DAB1: variants seen among roughly 807,000 people sequenced by gnomAD.
The protein encoded by DAB1 is disabled homolog 1.
DAB1 carries 15 observed loss-of-function variants against 64.6 expected under a neutral mutation model. The observed-to-expected ratio is 0.23, with a 90% confidence interval of 0.16 to 0.36. The LOEUF is 0.36. Among genes scored for constraint, DAB1 ranks in the 10% least tolerant of loss-of-function variants. The probability of loss-of-function intolerance (pLI) is 1.00; values close to 1 mark genes in which losing one functional copy is unlikely to be tolerated. For missense variants in DAB1, 596 were observed against 706.7 expected (o/e 0.84, Z 1.78); for synonymous variants, 235 against 251.9 (o/e 0.93, Z 0.64).
intron 2 of DAB1, among the ~76,000 whole-genome samples, chr1:57,271,278 G>A (rs1219618695): frequency 6.6e-6 from 1 of 152,194 alleles, no homozygotes; most frequent in African/African-American, 2.4e-5. Context: ...ATCTAAAGGA[G>A]TTTGGGATCA....
intron 5 of DAB1, among the ~76,000 whole-genome samples, chr1:58,033,902 T>C (rs1647006675): frequency 6.6e-6 from 1 of 152,160 alleles, no homozygotes; most frequent in African/African-American, 2.4e-5. Flanking sequence ...TGCATAGTGC[T>C]ATGATATCCA....
At chr1:58,268,381 A>AAAAACTG (rs1661227243) in intron 4 of DAB1, among the ~76,000 whole-genome samples, 1 of 152,170 alleles carries the variant, frequency 6.6e-6, no homozygotes, top group Non-Finnish European at 1.5e-5. Context: ...TATAATTATT[A>AAAAACTG]AAAACTGAGC....
At chr1:57,075,556 G>T (rs964282383) in intron 4 of DAB1, among the ~76,000 whole-genome samples, 5 of 152,130 alleles carry the variant, frequency 3.3e-5, no homozygotes, top group Admixed American at 3.3e-4. Flanking sequence ...AAATACATTA[G>T]AATTCTGCTA....
intron 4 of DAB1, among the ~76,000 whole-genome samples, chr1:58,264,429 G>A (rs1175973178): frequency 6.6e-6 from 1 of 152,168 alleles, no homozygotes; most frequent in Non-Finnish European, 1.5e-5. Flanking sequence ...CGATTCTGAT[G>A]TATTAGTTAG....
At chr1:57,001,244 A>C (rs1250090627) in intron 14 of DAB1, among the ~76,000 whole-genome samples, 1 of 152,224 alleles carries the variant, frequency 6.6e-6, no homozygotes, top group African/African-American at 2.4e-5. Context: ...TCAAAATTCC[A>C]AAAGCCTAAA....
At chr1:58,291,668 T>C (rs990603451) in intron 4 of DAB1, among the ~76,000 whole-genome samples, 2 of 152,190 alleles carry the variant, frequency 1.3e-5, no homozygotes, top group African/African-American at 4.8e-5. Context: ...CTTCTTTGTG[T>C]CCTTTTAATG....
At position 57,271,471 on chromosome 1, in the gene DAB1, A is replaced by G. The variant is rs575663440; in HGVS notation, c.67+19493T>C. On this transcript the variant is annotated intron_variant, in intron 2 of 14. Coordinates refer to ENST00000371236, the MANE Select transcript of DAB1 (RefSeq NM_001365792.1). ...TTTGTCTGTTTCCCTGATGAAACTC[A>G]CTTCCTGTAAAGACTTACTGAACAC... Among the ~76,000 whole-genome samples the G allele has an allele frequency of 7.2e-5, 11 of 152,294 alleles. No homozygotes were observed. The South Asian group carries it at 1.9e-3, about 26-fold the overall frequency.
intron 3 of DAB1, among the ~76,000 whole-genome samples, chr1:58,390,350 C>T (rs1644466188): frequency 6.6e-6 from 1 of 152,130 alleles, no homozygotes; most frequent in African/African-American, 2.4e-5. Context: ...TCTTAGGGCC[C>T]TGCATTGGTT....
intron 3 of DAB1, among the ~76,000 whole-genome samples, chr1:58,461,204 C>T (rs1394566085): frequency 6.6e-6 from 1 of 152,086 alleles, no homozygotes; most frequent in East Asian, 1.9e-4. Context: ...AAAATGTCCA[C>T]TTATGTATGT....
intron 3 of DAB1, among the ~76,000 whole-genome samples, chr1:58,383,251 T>C (rs562317986): frequency 6.6e-6 from 1 of 152,184 alleles, no homozygotes; most frequent in Non-Finnish European, 1.5e-5. Context: ...GGATCAAATA[T>C]AGTAAGTGCA....
intron 7 of DAB1, among the ~76,000 whole-genome samples, chr1:57,505,509 G>A (rs754459944): frequency 6.6e-6 from 1 of 152,200 alleles, no homozygotes; most frequent in African/African-American, 2.4e-5. Flanking sequence ...GTGAGAGAAG[G>A]CAGTGGGTGT....
intron 3 of DAB1, among the ~76,000 whole-genome samples, chr1:58,442,149 G>A (rs1202923746): frequency 2.0e-5 from 3 of 152,176 alleles, no homozygotes; most frequent in Middle Eastern, 3.2e-3. Flanking sequence ...ATGTGTGTGC[G>A]TGAATGTGCA....
intron 6 of DAB1, among the ~76,000 whole-genome samples, chr1:57,818,836 C>G (rs852760): frequency 0.32 from 48,080 of 151,096 alleles, 8,797 homozygotes; most frequent in Admixed American, 0.47. Flanking sequence ...AATTAGGAAA[C>G]CTTCACAGAA....
At chr1:58,143,701 A>G (rs1402898232) in intron 5 of DAB1, among the ~76,000 whole-genome samples, 1 of 152,216 alleles carries the variant, frequency 6.6e-6, no homozygotes, top group Non-Finnish European at 1.5e-5. Context: ...AAAAGTCTGA[A>G]ATAACACAGC....
At chr1:57,954,699 T>C (rs1032634217) in intron 5 of DAB1, among the ~76,000 whole-genome samples, 1 of 152,200 alleles carries the variant, frequency 6.6e-6, no homozygotes, top group Non-Finnish European at 1.5e-5. Context: ...ACATCCCTAG[T>C]GGAGATGGAG....
chr1:57,925,276 A>G (rs1188267723), intron 5 of DAB1, among the ~76,000 whole-genome samples: 1 of 152,238 alleles, frequency 6.6e-6, no homozygotes, highest in Non-Finnish European at 1.5e-5. Flanking sequence ...CTCTGGGGTA[A>G]CAGAGAAAAA....
intron 6 of DAB1, among the ~76,000 whole-genome samples, chr1:57,751,078 G>A (rs72664626): frequency 0.046 from 6,948 of 152,204 alleles, 244 homozygotes; most frequent in Non-Finnish European, 0.067. Flanking sequence ...CAGCTGATTG[G>A]ATACTGCTGA....
At chr1:57,067,847 C>T (rs938290497) in intron 8 of DAB1, among the ~76,000 whole-genome samples, 3 of 152,090 alleles carry the variant, frequency 2.0e-5, no homozygotes, top group South Asian at 2.1e-4. Context: ...CATGATGACA[C>T]CTCTTCTTTC....
chr1:57,753,967 G>GTC (rs1467360524), intron 6 of DAB1, among the ~76,000 whole-genome samples: 5 of 152,302 alleles, frequency 3.3e-5, no homozygotes, highest in Non-Finnish European at 5.9e-5. Context: ...CCCATACAGA[G>GTC]TCTAATCTTT....
Sources: gnomAD v4.1 joint callset for allele counts (sites outside exome capture counted in the v4.1 genomes callset) on GRCh38, gnomAD v4.1.1 for gene constraint, MANE v1.5 for transcripts, NCBI Gene and HGNC (gene_info 2026-07-23, HGNC 2026-07-21) for gene names.